Variants in COBL observed in about 807,000 individuals in gnomAD.
COBL encodes the protein cordon-bleu WH2 repeat protein.
COBL carries 51 observed loss-of-function variants against 98.8 expected under a neutral mutation model. The ratio of observed to expected loss-of-function variants is 0.52; its 90% CI spans 0.41 to 0.65. COBL has a LOEUF of 0.65. Among genes scored for constraint, COBL ranks in the 30% least tolerant of loss-of-function variants. COBL has a pLI of 0.00. For missense variants in COBL, 1,617 were observed against 1,617.5 expected, an observed-to-expected ratio of 1.00 and a Z score of 0.01; for synonymous variants, 634 against 651.7, an observed-to-expected ratio of 0.97 and a Z score of 0.41.
intron 1 of COBL, among the ~76,000 whole-genome samples, chr7:51,308,953 C>T (rs1243541658): frequency 6.6e-6 from 1 of 152,158 alleles, no homozygotes; most frequent in African/African-American, 2.4e-5. Context: ...CTTTGTAGGT[C>T]AGAGCTCTAT....
chr7:51,018,908 ATATATATATATATATATATAT>A lies in COBL; in HGVS notation c.3769-1361_3769-1341del, dbSNP rs1786615420. On this transcript the variant is annotated intron_variant, in intron 12 of 12. Coordinates refer to ENST00000265136, the MANE Select transcript of COBL (RefSeq NM_015198.5). ...CTCCATCTCAAAAAAAAAAAAAAAT[ATATATATATATATATATATAT>A]ATATATATATATATATATATATATG... Among the ~76,000 whole-genome samples, 40 of 30,262 alleles carry A rather than the reference ATATATATATATATATATATAT, an allele frequency of 1.3e-3. 1 individual carries two copies. The highest frequency in any genetic ancestry group is 4.7e-3 in the African/African-American group (36 of 7,644). The allele number at this position is 30,262 out of a possible 152,430, so 19.9% of individuals were successfully genotyped here.
rs577737278 is a variant in COBL at position 51,197,148 on chromosome 7, G to A, written c.246-3559C>T. Among the ~76,000 whole-genome samples the A allele has an allele frequency of 1.9e-3, 290 of 152,204 alleles. 2 individuals carry two copies. Among genetic ancestry groups the A allele is most frequent in the African/African-American group, 6.5e-3 (269 of 41,560 alleles). ...TTAAACTGAGATCTAACTTTTTGAT[G>A]TAGGCATTTGCTGCTATAAATTTCT... On this transcript the variant is annotated intron_variant, in intron 2 of 12. Transcript: ENST00000265136.
intron 5 of COBL, chr7:51,172,444 A>G (rs1278219848): frequency 2.3e-6 from 3 of 1,285,232 alleles, no homozygotes; most frequent in East Asian, 1.1e-4. Flanking sequence ...CTGCTGGGGC[A>G]TTAGTACTCA....
In COBL at chr7:51,039,785, C is replaced by T. The variant is rs536759560; in HGVS notation, c.1406+3598G>A. Reference sequence around the variant, plus strand: ...CTGGGAACAGGCCACATCCAGCTTGCATATGTGTTCCGTTTCACCCTGAGT... The same window carrying T: ...CTGGGAACAGGCCACATCCAGCTTGTATATGTGTTCCGTTTCACCCTGAGT... On this transcript the variant is annotated intron_variant, in intron 8 of 12. Transcript: ENST00000265136. 1.3e-4 allele frequency among the ~76,000 whole-genome samples: 20 copies of T among 152,324 alleles called. 1 individual carries two copies. In the South Asian group the frequency reaches 4.2e-3, roughly 32 times the overall value.
In COBL at chr7:51,030,907, G is replaced by A; in HGVS notation, c.1409C>T (p.Thr470Ile). 2 of 1,598,418 alleles carry A rather than the reference G, an allele frequency of 1.3e-6. No individual in the cohort carries two copies. Among genetic ancestry groups the A allele is most frequent in the Non-Finnish European group, 1.7e-6 (2 of 1,166,236 alleles). ...ATTTGAGGCTGTGACAGCTTTTTCA[G>A]TTCTAGGGAAGACCAAAGAGAAAGG... ...KNGSENSHLR[T>I]EKAVTASNDE... The change falls in exon 9 of 13, where the codon ACT (threonine) becomes ATT (isoleucine). Residue 470 changes from threonine (T) to isoleucine (I), a missense_variant and splice_region_variant. Physicochemically the swap from Thr to Ile is moderately conservative, Grantham distance 89. Around this residue, in one of 3 missense-constraint regions of COBL, gnomAD observed 1,304 missense variants for 1,282.0 expected, o/e 1.02. Transcript: ENST00000265136.
intron 1 of COBL, among the ~76,000 whole-genome samples, chr7:51,243,832 T>G (rs1311470640): frequency 2.6e-5 from 4 of 151,534 alleles, no homozygotes; most frequent in African/African-American, 9.7e-5. Context: ...TGCATGGACC[T>G]TCAGGTGTGA....
Position 51,138,272 on chromosome 7 carries a change from C to A in COBL, c.784-1941G>T, listed in dbSNP as rs371941517. ...AAAAATGTAAATTGTTCCCTTGAGTCCTTGAGTTCTGCAGCCATCATAGTC... is the reference window on the plus strand; with the variant it reads ...AAAAATGTAAATTGTTCCCTTGAGTACTTGAGTTCTGCAGCCATCATAGTC... On this transcript the variant is annotated intron_variant, in intron 5 of 12. Coordinates refer to ENST00000265136, the MANE Select transcript of COBL (RefSeq NM_015198.5). Among the ~76,000 whole-genome samples, 20 of 152,312 alleles carry A rather than the reference C, an allele frequency of 1.3e-4. No homozygotes were observed. The East Asian group carries it at 1.4e-3, about 10-fold the overall frequency.
At chr7:51,095,399 C>T (rs1795182280) in intron 6 of COBL, among the ~76,000 whole-genome samples, 1 of 152,106 alleles carries the variant, frequency 6.6e-6, no homozygotes, top group Non-Finnish European at 1.5e-5. Flanking sequence ...CACAGCCAAA[C>T]CATATTACTA....
At chr7:51,119,227 T>A (rs1389659636) in intron 6 of COBL, among the ~76,000 whole-genome samples, 1 of 152,192 alleles carries the variant, frequency 6.6e-6, no homozygotes, top group African/African-American at 2.4e-5. Flanking sequence ...TACCATAGTA[T>A]TTAGGCTACC....
At chr7:51,155,872 G>T (rs1380884119) in intron 5 of COBL, among the ~76,000 whole-genome samples, 1 of 152,078 alleles carries the variant, frequency 6.6e-6, no homozygotes, top group Non-Finnish European at 1.5e-5. Flanking sequence ...TTACGGAAGG[G>T]AGCCTGCATC....
At chr7:51,309,541 AAT>A (rs1419685601) in intron 1 of COBL, among the ~76,000 whole-genome samples, 1 of 152,218 alleles carries the variant, frequency 6.6e-6, no homozygotes, top group African/African-American at 2.4e-5. Flanking sequence ...ATCAGTTCCA[AAT>A]ATGTTAGTGC....
intron 2 of COBL, among the ~76,000 whole-genome samples, chr7:51,211,340 T>C (rs1473279759): frequency 6.6e-6 from 1 of 152,222 alleles, no homozygotes; most frequent in Non-Finnish European, 1.5e-5. Flanking sequence ...GCTCACTGCC[T>C]CTCTGACCTG....
chr7:51,307,013 G>T (rs976410139), intron 1 of COBL, among the ~76,000 whole-genome samples: 1 of 152,166 alleles, frequency 6.6e-6, no homozygotes, highest in Non-Finnish European at 1.5e-5. Context: ...GGACACTGAC[G>T]AGAGACGTCA....
At chr7:51,162,873 G>A (rs1451288347) in intron 5 of COBL, among the ~76,000 whole-genome samples, 1 of 152,240 alleles carries the variant, frequency 6.6e-6, no homozygotes, top group Non-Finnish European at 1.5e-5. Flanking sequence ...AGCTGAAGCT[G>A]TTACCCTGTT....
At chr7:51,293,484 C>T (rs1449983441) in intron 1 of COBL, among the ~76,000 whole-genome samples, 1 of 152,032 alleles carries the variant, frequency 6.6e-6, no homozygotes, top group East Asian at 1.9e-4. Flanking sequence ...CAAAAAGATG[C>T]CACCTACATA....
At chr7:51,026,959 C>A (rs1787636007) in intron 10 of COBL, among the ~76,000 whole-genome samples, 1 of 152,162 alleles carries the variant, frequency 6.6e-6, no homozygotes, top group East Asian at 1.9e-4. Flanking sequence ...CAGTTTTACA[C>A]CCTGTCTATG....
At chr7:51,292,636 G>A (rs1191602367) in intron 1 of COBL, among the ~76,000 whole-genome samples, 3 of 152,230 alleles carry the variant, frequency 2.0e-5, no homozygotes, top group Admixed American at 6.5e-5. Context: ...GAGACCTGCT[G>A]CCAGCTCTGA....
At chr7:51,132,739 T>C (rs1021676398) in intron 6 of COBL, among the ~76,000 whole-genome samples, 1 of 152,140 alleles carries the variant, frequency 6.6e-6, no homozygotes, top group Non-Finnish European at 1.5e-5. Context: ...TCTGCTCACC[T>C]TCTGGTGAGG....
At chr7:51,256,317 T>C (rs775590179) in intron 1 of COBL, among the ~76,000 whole-genome samples, 4 of 152,330 alleles carry the variant, frequency 2.6e-5, no homozygotes, top group Middle Eastern at 3.4e-3. Context: ...GGTCAGGCCA[T>C]GAAATTCCCT....
Sources: gnomAD v4.1 joint callset for allele counts (sites outside exome capture counted in the v4.1 genomes callset) on GRCh38, gnomAD v4.1.1 for gene constraint, gnomAD v4.1.1 regional missense constraint, MANE v1.5 for transcripts, NCBI Gene and HGNC (gene_info 2026-07-23, HGNC 2026-07-21) for gene names.